ABCA4: variants seen among roughly 807,000 people sequenced by gnomAD.
ABCA4 encodes ATP binding cassette subfamily A member 4.
In ABCA4, 196 loss-of-function variants were observed where a neutral mutation model predicts 263.7. That is an observed-to-expected ratio of 0.74 (90% confidence interval 0.66 to 0.84). ABCA4 has a LOEUF of 0.84. Among genes scored for constraint, ABCA4 ranks in the 40% least tolerant of loss-of-function variants. ABCA4 has a pLI of 0.00. For missense variants in ABCA4, 2,792 were observed against 2,855.1 expected (o/e 0.98, Z 0.50); for synonymous variants, 1,133 against 1,094.2 (o/e 1.04, Z -0.70).
chr1:94,097,743 G>C (rs960526607), intron 6 of ABCA4, among the ~76,000 whole-genome samples: 1 of 151,958 alleles, frequency 6.6e-6, no homozygotes, highest in African/African-American at 2.4e-5. Context: ...GGTTTTTTTG[G>C]TTTGTTTGTT....
At position 94,051,667 on chromosome 1, in the gene ABCA4, A is replaced by T; in HGVS notation, c.2619T>A (p.Phe873Leu). ...GDYGTPLPWY[F>L]LLQESYWLGG... ...CAAGCCAATACGACTCTTGTAGAAG[A>T]AAGTACCAAGGAAGTGGGGTTCCAT... The change falls in exon 17 of 50, where the codon TTT becomes TTA. Residue 873 changes from phenylalanine to leucine, a missense_variant. Transcript: ENST00000370225. 1 of 1,614,102 alleles carries T rather than the reference A, an allele frequency of 6.2e-7. No individual in the cohort carries two copies. Among genetic ancestry groups the T allele is most frequent in the Non-Finnish European group, 8.5e-7 (1 of 1,179,908 alleles).
At chr1:94,032,168 G>A in intron 26 of ABCA4, 125 bp from the exon 27 acceptor site, 1 of 1,154,274 alleles carries the variant, frequency 8.7e-7, no homozygotes, top group Non-Finnish European at 1.3e-6. Flanking sequence ...GAAATACCAG[G>A]CTGGTAGCTT....
chr1:94,077,460 A>T (rs1399888025), intron 11 of ABCA4, among the ~76,000 whole-genome samples: 1 of 152,236 alleles, frequency 6.6e-6, no homozygotes, highest in Non-Finnish European at 1.5e-5. Context: ...GGAGGTGCCC[A>T]GCATGAGAAG....
At position 94,037,262 on chromosome 1, in the gene ABCA4, A is replaced by G; in HGVS notation, c.3696T>C (p.Leu1232=). ...VECIGQELIF[L]LPNKNFKHRA... is the part of the protein sequence containing the mutation. ...TGTGCTTGAAGTTCTTATTTGGAAG[A>G]AGGAAGATAAGTTCTTGACCAATGC... The change falls in exon 25 of 50, where the codon CTT becomes CTC. Residue 1232 remains leucine, a synonymous_variant. Transcript: ENST00000370225. 6.2e-7 allele frequency: 1 copy of G among 1,614,238 alleles called. No individual in the cohort carries two copies. Among genetic ancestry groups the G allele is most frequent in the Non-Finnish European group, 8.5e-7 (1 of 1,180,036 alleles).
rs1662939927 is a variant in ABCA4 at position 94,121,084 on chromosome 1, G to A, written c.-39C>T. ...CGAAGACCAGATTGGTCAGAGCTGA[G>A]GCCCCTCAGACAGCAAAGGACATAA... is the stretch of plus-strand genomic sequence containing the variant. On this transcript the variant is annotated 5_prime_UTR_variant, in exon 1 of 50. Transcript: ENST00000370225. The A allele has an allele frequency of 1.2e-6, 2 of 1,602,586 alleles. No individual in the cohort carries two copies. Among genetic ancestry groups the A allele is most frequent in the Non-Finnish European group, 1.7e-6 (2 of 1,169,482 alleles).
chr1:94,088,499 TG>T (rs1453584665), intron 6 of ABCA4, among the ~76,000 whole-genome samples: 4 of 152,262 alleles, frequency 2.6e-5, no homozygotes, highest in Admixed American at 6.5e-5. Flanking sequence ...AACTGTCTGC[TG>T]GGCATCTGCC....
chr1:94,069,303 C>T (rs1032622191), intron 11 of ABCA4, among the ~76,000 whole-genome samples: 15 of 152,148 alleles, frequency 9.9e-5, no homozygotes, highest in African/African-American at 3.6e-4. Context: ...GAAATGATGT[C>T]CAGTAGAGGC....
intron 38 of ABCA4, among the ~76,000 whole-genome samples, chr1:94,012,065 C>T (rs1557764277): frequency 6.6e-6 from 1 of 152,170 alleles, no homozygotes; most frequent in Non-Finnish European, 1.5e-5. Context: ...GCAGAGCCTC[C>T]CCTGAGAAAA....
At chr1:94,120,872 A>G in intron 1 of ABCA4, 108 bp downstream of exon 1, 1 of 907,546 alleles carries the variant, frequency 1.1e-6, no homozygotes, top group Non-Finnish European at 1.7e-6. Context: ...CTGACTGCTC[A>G]CAACCCCCCA....
chr1:94,094,659 C>T (rs575214672), intron 6 of ABCA4, among the ~76,000 whole-genome samples: 20 of 152,214 alleles, frequency 1.3e-4, no homozygotes, highest in African/African-American at 4.6e-4. Context: ...CGAACTTCCA[C>T]AAATAAACAT....
At chr1:94,021,568 G>GGAAAGT (rs1470063866) in intron 34 of ABCA4, 72 bp downstream of exon 34, 2 of 1,515,370 alleles carry the variant, frequency 1.3e-6, no homozygotes, top group Non-Finnish European at 1.8e-6. Flanking sequence ...AATGAAGGTA[G>GGAAAGT]GAAAGTAAAA....
At chr1:94,035,124 A>G (rs17392161) in intron 26 of ABCA4, among the ~76,000 whole-genome samples, 3,007 of 152,328 alleles carry the variant, frequency 0.02, 36 homozygotes, top group Middle Eastern at 0.034. Flanking sequence ...TTCTATGCCT[A>G]TGCTGACTAA....
intron 11 of ABCA4, among the ~76,000 whole-genome samples, chr1:94,076,557 T>C (rs917010029): frequency 2.8e-5 from 4 of 142,580 alleles, no homozygotes; most frequent in African/African-American, 9.8e-5. Flanking sequence ...TCCCAAGAGG[T>C]CATGGAATGG....
At position 94,103,261 on chromosome 1, in the gene ABCA4, T is replaced by C. The variant is rs1477200746; in HGVS notation, c.443-119A>G. On this transcript the variant is annotated intron_variant, in intron 4 of 49. Transcript: ENST00000370225. ...AACTCTCAGAGGAAGGTTCTGTTCT[T>C]GGGGTCTCTGGGAGCCCCTAGAGGT... The C allele has an allele frequency of 7.7e-6, 10 of 1,304,810 alleles. 1 individual carries two copies. Among genetic ancestry groups the C allele is most frequent in the Non-Finnish European group, 2.2e-6 (2 of 916,808 alleles). The allele number at this position is 1,304,810 out of a possible 1,614,324, so 80.8% of individuals were successfully genotyped here. A position where few individuals can be genotyped will look rare whatever the true frequency, so the allele number is the denominator to read the frequency against.
chr1:94,072,446 C>T (rs1341115886), intron 11 of ABCA4, among the ~76,000 whole-genome samples: 1 of 152,126 alleles, frequency 6.6e-6, no homozygotes, highest in East Asian at 1.9e-4. Context: ...ACACTGTGAA[C>T]TCTGAATAGT....
chr1:94,025,192 T>C (rs1397254141), intron 30 of ABCA4, 144 bp from the exon 31 acceptor site: 1 of 744,372 alleles, frequency 1.3e-6, no homozygotes, highest in Non-Finnish European at 2.4e-6. Context: ...ATCTCCCTAG[T>C]TCTCACTTCA....
intron 49 of ABCA4, among the ~76,000 whole-genome samples, chr1:93,994,763 A>T (rs1345738169): frequency 6.6e-6 from 1 of 152,320 alleles, no homozygotes; most frequent in East Asian, 1.9e-4. Flanking sequence ...ACACAATAGA[A>T]AAATGATCTC....
intron 6 of ABCA4, among the ~76,000 whole-genome samples, chr1:94,086,347 T>G (rs1252239015): frequency 6.6e-6 from 1 of 152,240 alleles, no homozygotes; most frequent in Non-Finnish European, 1.5e-5. Flanking sequence ...TTTTAAGTTG[T>G]CTTTTTTTAA....
At chr1:94,096,109 G>A (rs939152225) in intron 6 of ABCA4, among the ~76,000 whole-genome samples, 2 of 152,192 alleles carry the variant, frequency 1.3e-5, no homozygotes, top group African/African-American at 4.8e-5. Flanking sequence ...ATTATTATGC[G>A]TGGTCTATAG....
Sources: gnomAD v4.1 joint callset for allele counts (sites outside exome capture counted in the v4.1 genomes callset) on GRCh38, gnomAD v4.1.1 for gene constraint, MANE v1.5 for transcripts, NCBI Gene and HGNC (gene_info 2026-07-23, HGNC 2026-07-21) for gene names.